SPDYA: variants seen among roughly 807,000 people sequenced by gnomAD.
The protein encoded by SPDYA is speedy protein A.
A neutral mutation model predicts 36.7 loss-of-function variants in SPDYA; 11 were observed. The ratio of observed to expected loss-of-function variants is 0.30; its 90% CI spans 0.19 to 0.50. The LOEUF (loss-of-function observed/expected upper bound fraction) is 0.50. Among genes scored for constraint, SPDYA ranks in the 20% least tolerant of loss-of-function variants. The pLI, the probability that SPDYA is intolerant of heterozygous loss-of-function variation, is 0.98. For synonymous variants in SPDYA, 115 were observed against 118.7 expected (o/e 0.97, Z 0.20); for missense variants, 287 against 370.9 (o/e 0.77, Z 1.86).
intron 5 of SPDYA, among the ~76,000 whole-genome samples, chr2:28,826,053 CTT>C (rs1465817065): frequency 6.6e-6 from 1 of 152,030 alleles, no homozygotes; most frequent in Non-Finnish European, 1.5e-5. Flanking sequence ...TTTAAGACCT[CTT>C]TTTCTTTGGT....
chr2:28,811,296 G>T lies in SPDYA; in HGVS notation c.-93+349G>T, dbSNP rs1203232908. 1.3e-5 allele frequency: 2 copies of T among 152,392 alleles called. No homozygotes were observed. 9.4% of individuals were successfully genotyped at this position (152,392 alleles called of 1,614,324 possible). ...GGCTGCTCCCGAAGCTCGGCCGTCTGCTCGGAGGGAGGGCCCTGGGCAGGC... is the reference window on the plus strand; with the variant it reads ...GGCTGCTCCCGAAGCTCGGCCGTCTTCTCGGAGGGAGGGCCCTGGGCAGGC... On this transcript the variant is annotated intron_variant, in intron 1 of 7. Coordinates refer to ENST00000334056, the MANE Select transcript of SPDYA (RefSeq NM_182756.4). This position sits in a 1 kb window ranked among gnomAD's most constrained non-coding sequence, Gnocchi z 4.2.
intron 7 of SPDYA, among the ~76,000 whole-genome samples, chr2:28,844,549 C>G (rs1668823838): frequency 6.6e-6 from 1 of 152,182 alleles, no homozygotes; most frequent in East Asian, 1.9e-4. Flanking sequence ...TGTTGCCCAC[C>G]TGTAGCCTAA....
Position 28,819,112 on chromosome 2 carries a change from T to C in SPDYA, c.294+6T>C. The C allele has an allele frequency of 6.2e-7, 1 of 1,607,960 alleles. No individual in the cohort carries two copies. The highest frequency in any genetic ancestry group is 8.5e-7 in the Non-Finnish European group (1 of 1,175,710). Reference sequence around the variant, plus strand: ...GCTGTAAAATTGCAGACAAGGTAAATTTGGTAACAGTATAACAATTAACCA... The same window carrying C: ...GCTGTAAAATTGCAGACAAGGTAAACTTGGTAACAGTATAACAATTAACCA... On this transcript the variant is annotated splice_donor_region_variant and intron_variant, in intron 4 of 7. Coordinates refer to ENST00000334056, the MANE Select transcript of SPDYA (RefSeq NM_182756.4).
intron 7 of SPDYA, among the ~76,000 whole-genome samples, chr2:28,848,499 C>T (rs532570212): frequency 6.6e-6 from 1 of 152,286 alleles, no homozygotes; most frequent in African/African-American, 2.4e-5. Flanking sequence ...ATTATGGTTA[C>T]TCATAGTACC....
chr2:28,815,053 G>A (rs1001860913), intron 2 of SPDYA, among the ~76,000 whole-genome samples: 8 of 152,082 alleles, frequency 5.3e-5, no homozygotes, highest in Non-Finnish European at 1.2e-4. Context: ...AAGCTGAGGC[G>A]AGAGGATGGC....
Position 28,850,354 on chromosome 2 carries a change from GGTC to G in SPDYA, c.*414_*416del, listed in dbSNP as rs1474154563. On this transcript the variant is annotated 3_prime_UTR_variant, in exon 8 of 8. Coordinates refer to ENST00000334056, the MANE Select transcript of SPDYA (RefSeq NM_182756.4). ...TGTATGACCAGGTTGCCAGTGTACTGGTCTAGCAACATAGGGAAATGATCCATA... is the reference window on the plus strand; with the variant it reads ...TGTATGACCAGGTTGCCAGTGTACTGTAGCAACATAGGGAAATGATCCATA... 2 of 1,610,756 alleles carry G rather than the reference GGTC, an allele frequency of 1.2e-6. No homozygotes were observed. The highest frequency in any genetic ancestry group is 2.2e-5 in the South Asian group (2 of 90,120).
chr2:28,850,403 C>T lies in SPDYA; in HGVS notation c.*462C>T. 6.3e-7 allele frequency: 1 copy of T among 1,599,660 alleles called. No homozygotes were observed. The highest frequency in any genetic ancestry group is 8.5e-7 in the Non-Finnish European group (1 of 1,171,928). ...CCATATGGAAAATCAGAATGCGATT[C>T]TTCTGTTGTAAAAAAATATATGTAC... On this transcript the variant is annotated 3_prime_UTR_variant, in exon 8 of 8. Coordinates refer to ENST00000334056, the MANE Select transcript of SPDYA (RefSeq NM_182756.4).
intron 7 of SPDYA, among the ~76,000 whole-genome samples, chr2:28,844,872 G>T (rs1365586872): frequency 6.6e-6 from 1 of 152,116 alleles, no homozygotes; most frequent in Admixed American, 6.5e-5. Flanking sequence ...GGCGGAGGTT[G>T]CAGTGAGCCA....
At chr2:28,840,060 G>T in intron 6 of SPDYA, 112 bp from the exon 7 acceptor site, 1 of 995,502 alleles carries the variant, frequency 1.0e-6, no homozygotes, top group Non-Finnish European at 1.4e-6. Context: ...TCAGCAATTT[G>T]GATTTTTATC....
intron 4 of SPDYA, among the ~76,000 whole-genome samples, chr2:28,819,495 A>G (rs1254164640): frequency 6.6e-6 from 1 of 152,088 alleles, no homozygotes; most frequent in Admixed American, 6.6e-5. Context: ...ACAATAGAGC[A>G]AGACTCTGTC....
chr2:28,839,423 T>G (rs1381759130), intron 6 of SPDYA, among the ~76,000 whole-genome samples: 1 of 152,238 alleles, frequency 6.6e-6, no homozygotes, highest in Non-Finnish European at 1.5e-5. Flanking sequence ...TATGTTCTTA[T>G]TCACCATATC....
chr2:28,842,871 C>T (rs1206017597), intron 7 of SPDYA, among the ~76,000 whole-genome samples: 1 of 152,136 alleles, frequency 6.6e-6, no homozygotes, highest in Non-Finnish European at 1.5e-5. Context: ...GGATAAGTCT[C>T]TCACTGCCTA....
At chr2:28,839,375 T>A (rs1289744036) in intron 6 of SPDYA, among the ~76,000 whole-genome samples, 4 of 114,732 alleles carry the variant, frequency 3.5e-5, no homozygotes, top group Non-Finnish European at 5.4e-5. Flanking sequence ...ATCTCCATGC[T>A]GACAAAACTG....
At chr2:28,813,491 C>T (rs778663532) in intron 1 of SPDYA, among the ~76,000 whole-genome samples, 6 of 152,044 alleles carry the variant, frequency 3.9e-5, no homozygotes, top group Admixed American at 2.0e-4. Context: ...CGGTACTATA[C>T]CACTGATAAC....
chr2:28,850,601 T>C lies in SPDYA; in HGVS notation c.*660T>C, dbSNP rs115860852. On this transcript the variant is annotated 3_prime_UTR_variant, in exon 8 of 8. Coordinates refer to ENST00000334056, the MANE Select transcript of SPDYA (RefSeq NM_182756.4). ...TGATTATGTAATAAACATATGATTTTATAACCAAATGGATAAGCCTATATC... is the reference window on the plus strand; with the variant it reads ...TGATTATGTAATAAACATATGATTTCATAACCAAATGGATAAGCCTATATC... 3.9e-4 allele frequency: 199 copies of C among 515,992 alleles called. No individual in the cohort carries two copies. The highest frequency in any genetic ancestry group is 3.6e-3 in the African/African-American group (183 of 51,486). The allele number at this position is 515,992 out of a possible 1,614,324, so 32.0% of individuals were successfully genotyped here. A position where few individuals can be genotyped will look rare whatever the true frequency, so the allele number is the denominator to read the frequency against.
At chr2:28,817,977 C>A (rs779540994) in intron 3 of SPDYA, among the ~76,000 whole-genome samples, 1 of 147,210 alleles carries the variant, frequency 6.8e-6, no homozygotes, top group Non-Finnish European at 1.5e-5. Context: ...CCTGGGGCAA[C>A]GTGGTGAAAC....
chr2:28,846,577 G>A (rs1668880572), intron 7 of SPDYA, among the ~76,000 whole-genome samples: 1 of 152,078 alleles, frequency 6.6e-6, no homozygotes, highest in Non-Finnish European at 1.5e-5. Flanking sequence ...GACATAGAAG[G>A]CTAACATTAG....
chr2:28,826,949 C>CTTTTTTTTTT (rs1309143694), intron 5 of SPDYA, among the ~76,000 whole-genome samples: 2 of 113,806 alleles, frequency 1.8e-5, no homozygotes, highest in African/African-American at 6.8e-5. Flanking sequence ...TCTTTTCTTT[C>CTTTTTTTTTT]TTTTTTTTTT....
intron 4 of SPDYA, 88 bp downstream of exon 4, chr2:28,819,194 A>C: frequency 9.9e-7 from 1 of 1,012,004 alleles, no homozygotes; most frequent in Non-Finnish European, 1.5e-6. Context: ...AGAATTTTCT[A>C]TCTTATTAGT....
Sources: gnomAD v4.1 joint callset for allele counts (sites outside exome capture counted in the v4.1 genomes callset) on GRCh38, gnomAD v4.1.1 for gene constraint, Gnocchi (gnomAD v3.1) non-coding constraint, MANE v1.5 for transcripts, NCBI Gene and HGNC (gene_info 2026-07-23, HGNC 2026-07-21) for gene names.